The following STAB2 variants were observed in gnomAD, a reference collection of about 807,000 sequenced individuals.
STAB2 encodes stabilin 2.
A neutral mutation model predicts 338.1 loss-of-function variants in STAB2; 288 were observed. The ratio of observed to expected loss-of-function variants is 0.85; its 90% CI spans 0.77 to 0.94. The LOEUF (loss-of-function observed/expected upper bound fraction) is 0.94, where lower values mean the gene tolerates loss of function less well. STAB2 is among the 40% of genes least tolerant of loss of function. STAB2 has a pLI of 0.00. For synonymous variants in STAB2, 1,202 were observed against 1,193.3 expected (o/e 1.01, Z -0.15); for missense variants, 3,141 against 3,210.1 (o/e 0.98, Z 0.52).
At chr12:103,650,369 T>A (rs562778834) in intron 10 of STAB2, 127 bp from the exon 11 acceptor site, 1 of 666,586 alleles carries the variant, frequency 1.5e-6, no homozygotes, top group East Asian at 2.9e-5. Flanking sequence ...GGCCTACACA[T>A]GCCCATTAGA....
At chr12:103,592,509 CTTTTG>C (rs1395248202) in intron 2 of STAB2, among the ~76,000 whole-genome samples, 1 of 152,092 alleles carries the variant, frequency 6.6e-6, no homozygotes, top group Admixed American at 6.6e-5. Context: ...AAGATTGGTT[CTTTTG>C]TTTTATGTTC....
chr12:103,636,299 T>A (rs1238707188), intron 6 of STAB2, among the ~76,000 whole-genome samples: 1 of 151,206 alleles, frequency 6.6e-6, no homozygotes, highest in African/African-American at 2.4e-5. Flanking sequence ...CATGCGGTGT[T>A]TGGTTTCTTT....
intron 10 of STAB2, among the ~76,000 whole-genome samples, chr12:103,649,071 C>T (rs989257649): frequency 8.5e-5 from 13 of 152,162 alleles, no homozygotes; most frequent in Admixed American, 5.2e-4. Flanking sequence ...GTTTGGGGGT[C>T]GCCATAGACC....
chr12:103,736,997 T>C (rs942361372), intron 52 of STAB2, among the ~76,000 whole-genome samples: 14 of 152,062 alleles, frequency 9.2e-5, no homozygotes, highest in African/African-American at 3.4e-4. Context: ...TGATTATGCC[T>C]GGTACATGTG....
rs1057208435 is a variant in STAB2, at chr12:103,609,664, T to C, written c.332-10804T>C. 5.9e-5 allele frequency among the ~76,000 whole-genome samples: 9 copies of C among 152,126 alleles called. No homozygotes were observed. The East Asian group carries it at 1.5e-3, about 26-fold the overall frequency. ...ACAATTTGACTTCCTCTTTTCCTAA[T>C]TGAATACCCTTTATTTCCTTCTCCT... On this transcript the variant is annotated intron_variant, in intron 3 of 68. Coordinates refer to ENST00000388887, the MANE Select transcript of STAB2 (RefSeq NM_017564.10).
At chr12:103,647,923 T>C (rs1873453887) in intron 9 of STAB2, among the ~76,000 whole-genome samples, 1 of 152,282 alleles carries the variant, frequency 6.6e-6, no homozygotes, top group Non-Finnish European at 1.5e-5. Flanking sequence ...TGCTATTTAT[T>C]TAATTCAATT....
At chr12:103,612,432 A>G (rs1016215929) in intron 3 of STAB2, among the ~76,000 whole-genome samples, 1 of 152,132 alleles carries the variant, frequency 6.6e-6, no homozygotes, top group Admixed American at 6.5e-5. Flanking sequence ...CATTTCATTC[A>G]TTTGATCTTC....
chr12:103,699,928 T>C (rs1291430160), intron 34 of STAB2, among the ~76,000 whole-genome samples: 1 of 152,216 alleles, frequency 6.6e-6, no homozygotes, highest in Admixed American at 6.5e-5. Context: ...GGAGGGAACC[T>C]GGGAGATCAA....
intron 22 of STAB2, among the ~76,000 whole-genome samples, chr12:103,672,448 C>G (rs985022255): frequency 1.3e-5 from 2 of 152,194 alleles, no homozygotes; most frequent in African/African-American, 4.8e-5. Context: ...TGCACAGTCT[C>G]ATACAGGGGT....
chr12:103,700,727 G>A lies in STAB2; in HGVS notation c.3714+1500G>A, dbSNP rs148299360. 8.5e-5 allele frequency among the ~76,000 whole-genome samples: 13 copies of A among 152,228 alleles called. No individual in the cohort carries two copies. The South Asian group carries it at 1.0e-3, about 12-fold the overall frequency. ...GCTGAATCAATTTTAGAGCTGCAGC[G>A]TTCATTTTTCCATGTGTGCAGAAAT... is the stretch of plus-strand genomic sequence containing the variant. On this transcript the variant is annotated intron_variant, in intron 34 of 68. Coordinates refer to ENST00000388887, the MANE Select transcript of STAB2 (RefSeq NM_017564.10).
At chr12:103,756,738 G>A (rs1396692179) in intron 63 of STAB2, among the ~76,000 whole-genome samples, 1 of 151,990 alleles carries the variant, frequency 6.6e-6, no homozygotes, top group African/African-American at 2.4e-5. Context: ...CATGAGTATA[G>A]GGCTTGTAGG....
chr12:103,668,120 C>A (rs1181806293), intron 19 of STAB2, among the ~76,000 whole-genome samples: 3 of 152,184 alleles, frequency 2.0e-5, no homozygotes, highest in Non-Finnish European at 4.4e-5. Context: ...ATAAAATGTT[C>A]TCAGTAAACA....
intron 43 of STAB2, among the ~76,000 whole-genome samples, chr12:103,717,013 G>C (rs1880371105): frequency 6.6e-6 from 1 of 152,204 alleles, no homozygotes; most frequent in Admixed American, 6.5e-5. Flanking sequence ...CACCAATGAT[G>C]ACTTAAAGTT....
rs768389674 is a variant in STAB2, at chr12:103,660,321, TC to T, written c.1735-8del. On this transcript the variant is annotated splice_polypyrimidine_tract_variant and intron_variant, in intron 15 of 68. Coordinates refer to ENST00000388887, the MANE Select transcript of STAB2 (RefSeq NM_017564.10). The stretch of plus-strand genomic sequence containing the variant: ...TTCTTTGACTAAAGAAGTATTTGGT[TC>T]CTTTGCAGGGATCTCGGAAGCTTCT... 3 of 1,614,012 alleles carry T rather than the reference TC, an allele frequency of 1.9e-6. No homozygotes were observed. Among genetic ancestry groups the T allele is most frequent in the African/African-American group, 2.7e-5 (2 of 74,930 alleles).
Position 103,650,495 on chromosome 12 carries a change from G to A in STAB2, c.1175-1G>A, listed in dbSNP as rs1434996006. ...TTCTTTGTGTTATTTCGACTCCTAA[G>A]ACAAAGCTTATGCCTGGCCACTGAG... On this transcript the variant is annotated splice_acceptor_variant, in intron 10 of 68. Transcript: ENST00000388887. LOFTEE classifies it high-confidence loss of function. The A allele has an allele frequency of 6.2e-7, 1 of 1,612,672 alleles. No homozygotes were observed. The highest frequency in any genetic ancestry group is 1.7e-5 in the Admixed American group (1 of 59,964).
chr12:103,725,016 T>C lies in STAB2; in HGVS notation c.4725T>C (p.Thr1575=). The change falls in exon 45 of 69, where the codon ACT becomes ACC. Residue 1575 remains threonine, a synonymous_variant. Transcript: ENST00000388887. ...GCSEFAICNH[T]GQVERTCTCK... Reference sequence around the variant, plus strand: ...GTGAATTTGCCATCTGCAACCACACTGGGCAAGTAGAAAGGACTTGTACTT... The same window carrying C: ...GTGAATTTGCCATCTGCAACCACACCGGGCAAGTAGAAAGGACTTGTACTT... The C allele has an allele frequency of 1.2e-6, 2 of 1,614,068 alleles. No homozygotes were observed. Among genetic ancestry groups the C allele is most frequent in the Non-Finnish European group, 1.7e-6 (2 of 1,179,948 alleles).
intron 17 of STAB2, 29 bp downstream of exon 17, chr12:103,660,792 T>C: frequency 1.2e-6 from 2 of 1,602,804 alleles, no homozygotes; most frequent in Non-Finnish European, 1.7e-6. Flanking sequence ...ACCACCAGCA[T>C]CACTTGAACA....
At chr12:103,666,408 G>T (rs1875107868) in intron 19 of STAB2, 55 bp downstream of exon 19, 1 of 1,585,862 alleles carries the variant, frequency 6.3e-7, no homozygotes, top group Non-Finnish European at 8.7e-7. Context: ...CCACTGGTGT[G>T]GTTTCTCAAC....
At chr12:103,654,774 G>A in intron 13 of STAB2, 76 bp downstream of exon 13, 2 of 1,524,926 alleles carry the variant, frequency 1.3e-6, no homozygotes, top group Non-Finnish European at 1.8e-6. Context: ...TCCAGAGCAT[G>A]CCAGCACTCT....
Sources: allele counts gnomAD v4.1 joint callset (sites outside exome capture counted in the v4.1 genomes callset), GRCh38; gene constraint gnomAD v4.1.1; transcripts MANE v1.5; gene names NCBI Gene and HGNC (gene_info 2026-07-23, HGNC 2026-07-21).